SMIM17: variants seen among roughly 807,000 people sequenced by gnomAD.
SMIM17 encodes small integral membrane protein 17.
Under a neutral mutation model 12.2 loss-of-function variants are expected in SMIM17, and 10 were observed. The observed-to-expected ratio is 0.82, with a 90% confidence interval of 0.50 to 1.39. The LOEUF (loss-of-function observed/expected upper bound fraction) is 1.39. Among genes scored for constraint, SMIM17 ranks in the 40% most tolerant of loss-of-function variants. The pLI, the probability that SMIM17 is intolerant of heterozygous loss-of-function variation, is 0.00. For synonymous variants in SMIM17, 50 were observed against 44.1 expected (o/e 1.13, Z -0.53); for missense variants, 136 against 118.2 (o/e 1.15, Z -0.70).
intron 3 of SMIM17, among the ~76,000 whole-genome samples, chr19:56,651,148 G>A (rs1216810037): frequency 1.3e-5 from 2 of 152,188 alleles, no homozygotes; most frequent in Non-Finnish European, 2.9e-5. Context: ...TGGACTTTGT[G>A]CTCTACTTAC....
intron 2 of SMIM17, among the ~76,000 whole-genome samples, chr19:56,646,970 T>C (rs577150622): frequency 2.2e-4 from 33 of 152,270 alleles, no homozygotes; most frequent in African/African-American, 7.9e-4. Context: ...GCTCTGCTAG[T>C]GAGGCTTGGA....
Position 56,655,174 on chromosome 19 carries a change from C to T in SMIM17, c.318C>T (p.Phe106=). ...TGGTAGTGTGCGTGCTTTTTTTGTT[C>T]CTGGTTTTAACGGGGATGCCTATGA... The part of the protein sequence containing the change: ...IVLVVCVLFL[F]LVLTGMPMMF... The change falls in exon 4 of 4, where the codon TTC becomes TTT. Residue 106 remains phenylalanine, a synonymous_variant. Coordinates refer to ENST00000598409, the MANE Select transcript of SMIM17 (RefSeq NM_001193628.2). 1 of 702,286 alleles carries T rather than the reference C, an allele frequency of 1.4e-6. No individual in the cohort carries two copies. The highest frequency in any genetic ancestry group is 1.5e-5 in the South Asian group (1 of 67,510). 43.5% of individuals were successfully genotyped at this position (702,286 alleles called of 1,614,324 possible). A position where few individuals can be genotyped will look rare whatever the true frequency, so the allele number is the denominator to read the frequency against.
chr19:56,645,959 G>A lies in SMIM17; in HGVS notation c.169+123G>A, dbSNP rs1042324437. ...TCAACAGCTATTCATGGAGCACTGTGTCAGTCAGCTTTTGCTGTGTAACAA... is the reference window on the plus strand; with the variant it reads ...TCAACAGCTATTCATGGAGCACTGTATCAGTCAGCTTTTGCTGTGTAACAA... On this transcript the variant is annotated intron_variant, in intron 2 of 3. Coordinates refer to ENST00000598409, the MANE Select transcript of SMIM17 (RefSeq NM_001193628.2). The A allele has an allele frequency of 9.0e-6, 10 of 1,115,612 alleles. No homozygotes were observed. In the African/African-American group the frequency reaches 1.4e-4, roughly 16 times the overall value. 69.1% of individuals were successfully genotyped at this position (1,115,612 alleles called of 1,614,324 possible). A position where few individuals can be genotyped will look rare whatever the true frequency, so the allele number is the denominator to read the frequency against.
At chr19:56,647,379 G>A (rs1448181398) in intron 2 of SMIM17, among the ~76,000 whole-genome samples, 179 bp from the exon 3 acceptor site, 3 of 150,676 alleles carry the variant, frequency 2.0e-5, no homozygotes, top group Non-Finnish European at 2.9e-5. Context: ...GTGGGGTTGT[G>A]TGTTTGTGTG....
At chr19:56,645,209 GTGTGTGTT>G (rs1421515584) in intron 1 of SMIM17, among the ~76,000 whole-genome samples, 5 of 151,900 alleles carry the variant, frequency 3.3e-5, no homozygotes, top group Middle Eastern at 3.4e-3. Flanking sequence ...ATGTGGATGT[GTGTGTGTT>G]TGTGTTTGTG....
chr19:56,652,649 T>C (rs2148044079), intron 3 of SMIM17, among the ~76,000 whole-genome samples: 1 of 138,586 alleles, frequency 7.2e-6, no homozygotes, highest in East Asian at 2.2e-4. Flanking sequence ...GAGACTCTCC[T>C]TCTCAAAAAA....
rs1304062830 is a variant in SMIM17 at position 56,655,171 on chromosome 19, G to A, written c.315G>A (p.Leu105=). 4 of 702,552 alleles carry A rather than the reference G, an allele frequency of 5.7e-6. No homozygotes were observed. The Admixed American group carries it at 8.0e-5, about 14-fold the overall frequency. 43.5% of individuals were successfully genotyped at this position (702,552 alleles called of 1,614,324 possible). The part of the protein sequence containing the change: ...TIVLVVCVLF[L]FLVLTGMPMM... The stretch of plus-strand genomic sequence containing the variant: ...TCTTGGTAGTGTGCGTGCTTTTTTT[G>A]TTCCTGGTTTTAACGGGGATGCCTA... The change falls in exon 4 of 4, where the codon TTG becomes TTA. Residue 105 remains leucine (L), a synonymous_variant. Coordinates refer to ENST00000598409, the MANE Select transcript of SMIM17 (RefSeq NM_001193628.2).
At position 56,645,636 on chromosome 19, in the gene SMIM17, T is replaced by G; in HGVS notation, c.-32T>G. On this transcript the variant is annotated 5_prime_UTR_variant, in exon 2 of 4. Coordinates refer to ENST00000598409, the MANE Select transcript of SMIM17 (RefSeq NM_001193628.2). ...CTGGAGCAGGAGGAGAAAGAGAAGC[T>G]TGTCTCAGAAGCTCCACCTCCTCCT... The G allele has an allele frequency of 6.9e-7, 1 of 1,448,726 alleles. No individual in the cohort carries two copies. Among genetic ancestry groups the G allele is most frequent in the Non-Finnish European group, 9.0e-7 (1 of 1,105,072 alleles). The allele number at this position is 1,448,726 out of a possible 1,614,324, so 89.7% of individuals were successfully genotyped here.
chr19:56,648,323 G>A (rs919349694), intron 3 of SMIM17, among the ~76,000 whole-genome samples: 1 of 136,678 alleles, frequency 7.3e-6, no homozygotes, highest in Admixed American at 7.7e-5. Context: ...CTATTCATCT[G>A]TCCACTCATT....
chr19:56,651,548 T>C (rs1297448878), intron 3 of SMIM17, among the ~76,000 whole-genome samples: 1 of 152,104 alleles, frequency 6.6e-6, no homozygotes. Flanking sequence ...CACCTGCAAA[T>C]CTTATCTAAG....
At chr19:56,650,508 C>T (rs940240832) in intron 3 of SMIM17, among the ~76,000 whole-genome samples, 1 of 152,164 alleles carries the variant, frequency 6.6e-6, no homozygotes, top group Non-Finnish European at 1.5e-5. Flanking sequence ...TATTATAACA[C>T]ATCTAGTAAC....
intron 3 of SMIM17, among the ~76,000 whole-genome samples, chr19:56,654,792 T>G (rs562041993): frequency 6.6e-6 from 1 of 152,276 alleles, no homozygotes; most frequent in South Asian, 2.1e-4. Flanking sequence ...CACATACATA[T>G]GCAAGCACAC....
Position 56,655,241 on chromosome 19 carries a change from T to G in SMIM17, c.*28T>G. On this transcript the variant is annotated 3_prime_UTR_variant, in exon 4 of 4. Transcript: ENST00000598409. ...ATAATGGTGGCTGTTGTTTTAAAAG[T>G]TTAATTTAATGAAATAGATGCCCTA... 1 of 695,788 alleles carries G rather than the reference T, an allele frequency of 1.4e-6. No homozygotes were observed. The highest frequency in any genetic ancestry group is 1.5e-5 in the South Asian group (1 of 66,446). The allele number at this position is 695,788 out of a possible 1,614,324, so 43.1% of individuals were successfully genotyped here. A position where few individuals can be genotyped will look rare whatever the true frequency, so the allele number is the denominator to read the frequency against.
At chr19:56,649,058 C>T (rs1196926732) in intron 3 of SMIM17, among the ~76,000 whole-genome samples, 1 of 152,168 alleles carries the variant, frequency 6.6e-6, no homozygotes, top group Non-Finnish European at 1.5e-5. Context: ...AAGTGCTGGG[C>T]ACAGTGGAGT....
At chr19:56,643,503 G>T (rs1265294268) in intron 1 of SMIM17, among the ~76,000 whole-genome samples, 1 of 152,152 alleles carries the variant, frequency 6.6e-6, no homozygotes, top group Non-Finnish European at 1.5e-5. Flanking sequence ...TCGTGAGGAG[G>T]GGAGCACAGA....
intron 3 of SMIM17, among the ~76,000 whole-genome samples, chr19:56,651,020 G>C (rs1171297402): frequency 6.6e-6 from 1 of 152,158 alleles, no homozygotes; most frequent in African/African-American, 2.4e-5. Context: ...TCAGTTTTCT[G>C]CATGGACAGA....
chr19:56,656,596 T>C lies in SMIM17; in HGVS notation c.*1383T>C, dbSNP rs1183458867. Among the ~76,000 whole-genome samples the C allele has an allele frequency of 6.6e-6, 1 of 152,238 alleles. No individual in the cohort carries two copies. Among genetic ancestry groups the C allele is most frequent in the Non-Finnish European group, 1.5e-5 (1 of 68,040 alleles). On this transcript the variant is annotated 3_prime_UTR_variant, in exon 4 of 4. Transcript: ENST00000598409. ...TATATTCTCTTTATATTTTCTATAA[T>C]AGCATACTTATTAACGCAAATGTAC...
chr19:56,655,041 G>A (rs912014022), intron 3 of SMIM17, 62 bp from the exon 4 acceptor site: 116 of 591,358 alleles, frequency 2.0e-4, no homozygotes, highest in African/African-American at 1.9e-3. Context: ...CTATTTTCCT[G>A]CAAGTAACAA....
chr19:56,653,109 A>T (rs1600621816), intron 3 of SMIM17, among the ~76,000 whole-genome samples: 2 of 152,330 alleles, frequency 1.3e-5, no homozygotes, highest in South Asian at 4.1e-4. Context: ...CATCCGTGTA[A>T]CCAACACCCC....
Sources: gnomAD v4.1 joint callset for allele counts (sites outside exome capture counted in the v4.1 genomes callset) on GRCh38, gnomAD v4.1.1 for gene constraint, MANE v1.5 for transcripts, NCBI Gene and HGNC (gene_info 2026-07-23, HGNC 2026-07-21) for gene names.